Variants in SLC12A6 observed in about 807,000 individuals in gnomAD.
SLC12A6 encodes K-Cl cotransporter 3.
SLC12A6 carries 66 observed loss-of-function variants against 135.3 expected under a neutral mutation model. The observed-to-expected ratio is 0.49, with a 90% CI of 0.40 to 0.60. The LOEUF is 0.60. SLC12A6 is among the 20% of genes least tolerant of loss of function. The pLI is 0.00. For missense variants in SLC12A6, 1,058 were observed against 1,452.3 expected, an observed-to-expected ratio of 0.73 and a Z score of 4.41; for synonymous variants, 513 against 508.8, an observed-to-expected ratio of 1.01 and a Z score of -0.11.
At chr15:34,246,917 C>A (rs1274305402) in intron 13 of SLC12A6, among the ~76,000 whole-genome samples, 1 of 152,136 alleles carries the variant, frequency 6.6e-6, no homozygotes, top group Non-Finnish European at 1.5e-5. Flanking sequence ...TCCCAGTATG[C>A]TGGAATTACA....
At chr15:34,326,629 T>C (rs1421252409) in intron 2 of SLC12A6, among the ~76,000 whole-genome samples, 1 of 152,126 alleles carries the variant, frequency 6.6e-6, no homozygotes, top group African/African-American at 2.4e-5. Context: ...TACCTATTCT[T>C]ATGCCAGATT....
chr15:34,313,319 T>TA (rs779891363), intron 2 of SLC12A6, among the ~76,000 whole-genome samples: 8 of 152,200 alleles, frequency 5.3e-5, no homozygotes, highest in Non-Finnish European at 1.2e-4. Context: ...TTATTGCTGA[T>TA]ATGAAGAAGG....
intron 2 of SLC12A6, among the ~76,000 whole-genome samples, chr15:34,302,957 CAA>C (rs35647149): frequency 0.19 from 15,685 of 82,994 alleles, 607 homozygotes; most frequent in East Asian, 0.36. Context: ...GACCCTGTCT[CAA>C]AAAAAAAAAA....
intron 3 of SLC12A6, among the ~76,000 whole-genome samples, chr15:34,263,617 A>G (rs1041604852): frequency 6.6e-6 from 1 of 152,140 alleles, no homozygotes; most frequent in African/African-American, 2.4e-5. Context: ...TTTCATTATT[A>G]TGCAAAAGTT....
At chr15:34,330,192 T>G (rs562135395) in intron 2 of SLC12A6, among the ~76,000 whole-genome samples, 1 of 152,316 alleles carries the variant, frequency 6.6e-6, no homozygotes, top group South Asian at 2.1e-4. Context: ...TCTTTTTATC[T>G]GTAACAGCTT....
intron 2 of SLC12A6, among the ~76,000 whole-genome samples, chr15:34,285,939 G>A (rs765268178): frequency 6.6e-6 from 1 of 151,990 alleles, no homozygotes; most frequent in Non-Finnish European, 1.5e-5. Flanking sequence ...GTGGAAAATG[G>A]AGAGTTGTTC....
At chr15:34,283,312 C>T (rs1376549028) in intron 2 of SLC12A6, among the ~76,000 whole-genome samples, 1 of 151,788 alleles carries the variant, frequency 6.6e-6, no homozygotes, top group East Asian at 1.9e-4. Context: ...CATTGCACTC[C>T]AACCTGGGTG....
At chr15:34,324,308 G>C (rs1469647351) in intron 2 of SLC12A6, among the ~76,000 whole-genome samples, 1 of 152,016 alleles carries the variant, frequency 6.6e-6, no homozygotes, top group Non-Finnish European at 1.5e-5. Flanking sequence ...AAAAATTATG[G>C]TATTTTTAAG....
At chr15:34,288,764 C>T (rs902461286) in intron 2 of SLC12A6, among the ~76,000 whole-genome samples, 2 of 152,196 alleles carry the variant, frequency 1.3e-5, no homozygotes, top group Non-Finnish European at 2.9e-5. Context: ...TGGGAGTTCA[C>T]TCATGATTTG....
At chr15:34,309,560 A>G (rs1308311925) in intron 2 of SLC12A6, among the ~76,000 whole-genome samples, 1 of 152,222 alleles carries the variant, frequency 6.6e-6, no homozygotes, top group East Asian at 1.9e-4. Flanking sequence ...CAGTGCTCAA[A>G]TAAGAAATCA....
rs148360815 is a variant in SLC12A6 at position 34,283,260 on chromosome 15, T to C, written c.272-7871A>G. 9.9e-3 allele frequency among the ~76,000 whole-genome samples: 1,514 copies of C among 152,216 alleles called. 21 individuals carry two copies. Among genetic ancestry groups the C allele is most frequent in the Non-Finnish European group, 0.018 (1,205 of 67,996 alleles). On this transcript the variant is annotated intron_variant, in intron 2 of 25. Transcript: ENST00000354181. ...TGGGAGGCTGAGGCTAGAGAATCAC[T>C]TGAACCTAGGAGGCAGAGGTTGCAG... is the stretch of plus-strand genomic sequence containing the variant.
intron 25 of SLC12A6, 26 bp from the exon 26 acceptor site, chr15:34,233,998 CA>C (rs1266133742): frequency 1.6e-6 from 2 of 1,215,116 alleles, no homozygotes; most frequent in African/African-American, 1.5e-5. Context: ...AGGAGACAGG[CA>C]AAAGAAGAGC....
At chr15:34,293,557 G>T (rs1895687210) in intron 2 of SLC12A6, among the ~76,000 whole-genome samples, 1 of 152,202 alleles carries the variant, frequency 6.6e-6, no homozygotes, top group Non-Finnish European at 1.5e-5. Context: ...GTCTGCCTTG[G>T]CCTCCCAAAG....
At chr15:34,309,057 A>G (rs1887965529) in intron 2 of SLC12A6, among the ~76,000 whole-genome samples, 1 of 152,070 alleles carries the variant, frequency 6.6e-6, no homozygotes, top group Non-Finnish European at 1.5e-5. Context: ...ACCTGTCCTG[A>G]TTGTTGTGAG....
chr15:34,281,382 A>G (rs1894668262), intron 2 of SLC12A6, among the ~76,000 whole-genome samples: 1 of 152,228 alleles, frequency 6.6e-6, no homozygotes. Context: ...GTGGGAAAAC[A>G]AGTTGAACTA....
At chr15:34,302,512 A>G (rs540271194) in intron 2 of SLC12A6, among the ~76,000 whole-genome samples, 1 of 152,290 alleles carries the variant, frequency 6.6e-6, no homozygotes, top group South Asian at 2.1e-4. Context: ...CCTGTCCAAC[A>G]TGGTGAAACC....
chr15:34,311,173 A>G (rs1291745496), intron 2 of SLC12A6, among the ~76,000 whole-genome samples: 2 of 152,166 alleles, frequency 1.3e-5, no homozygotes, highest in Non-Finnish European at 2.9e-5. Context: ...AAAGGAGAGA[A>G]AATCTTCTAA....
At chr15:34,324,701 T>C (rs1889350610) in intron 2 of SLC12A6, among the ~76,000 whole-genome samples, 1 of 152,144 alleles carries the variant, frequency 6.6e-6, no homozygotes, top group Non-Finnish European at 1.5e-5. Flanking sequence ...ATAAGGATTC[T>C]CTATCAGAGG....
At chr15:34,279,325 C>CA (rs1343283351) in intron 2 of SLC12A6, among the ~76,000 whole-genome samples, 4 of 149,786 alleles carry the variant, frequency 2.7e-5, no homozygotes, top group African/African-American at 4.9e-5. Context: ...AAAAAACAAA[C>CA]AAAAAACAAA....
Sources: gnomAD v4.1 joint callset for allele counts (sites outside exome capture counted in the v4.1 genomes callset) on GRCh38, gnomAD v4.1.1 for gene constraint, MANE v1.5 for transcripts, NCBI Gene and HGNC (gene_info 2026-07-23, HGNC 2026-07-21) for gene names.